GOLPH3: variants seen among roughly 807,000 people sequenced by gnomAD.
GOLPH3 encodes the protein coat protein GPP34.
GOLPH3 carries 14 observed loss-of-function variants against 28.5 expected under a neutral mutation model. That is an observed-to-expected ratio of 0.49 (90% confidence interval 0.32 to 0.77). The LOEUF (loss-of-function observed/expected upper bound fraction) is 0.77. GOLPH3 is among the 30% of genes least tolerant of loss of function. The pLI is 0.03. For synonymous variants in GOLPH3, 158 were observed against 159.2 expected, an observed-to-expected ratio of 0.99 and a Z score of 0.06; for missense variants, 350 against 393.7, an observed-to-expected ratio of 0.89 and a Z score of 0.94.
At chr5:32,132,047 T>C (rs1745835575) in intron 3 of GOLPH3, among the ~76,000 whole-genome samples, 1 of 152,168 alleles carries the variant, frequency 6.6e-6, no homozygotes, top group Non-Finnish European at 1.5e-5. Flanking sequence ...TCCCAGCTAC[T>C]TGGGAGGCTA....
chr5:32,155,974 A>C (rs1397169219), intron 1 of GOLPH3, among the ~76,000 whole-genome samples: 1 of 122,882 alleles, frequency 8.1e-6, no homozygotes, highest in African/African-American at 4.6e-5. Flanking sequence ...AAAAAAAAAA[A>C]AAAAAAAAAA....
At chr5:32,165,707 G>A (rs1047512286) in intron 1 of GOLPH3, among the ~76,000 whole-genome samples, 1 of 152,202 alleles carries the variant, frequency 6.6e-6, no homozygotes. Context: ...CAGTGAATTT[G>A]TACTTAGTAA....
At chr5:32,130,618 G>T (rs1349161525) in intron 3 of GOLPH3, among the ~76,000 whole-genome samples, 1 of 152,020 alleles carries the variant, frequency 6.6e-6, no homozygotes. Context: ...CCAAACAACA[G>T]AGGGGAAAAA....
intron 3 of GOLPH3, 22 bp downstream of exon 3, chr5:32,135,550 T>C (rs1364514042): frequency 6.9e-7 from 1 of 1,443,460 alleles, no homozygotes; most frequent in South Asian, 1.2e-5. Context: ...AGTTGGTTTT[T>C]GGTTTATTCA....
chr5:32,140,802 CAAAAAAAAA>C (rs553950121), intron 2 of GOLPH3, among the ~76,000 whole-genome samples: 4 of 73,680 alleles, frequency 5.4e-5, no homozygotes, highest in African/African-American at 1.9e-4. Context: ...ACTCTGTCTC[CAAAAAAAAA>C]AAAAAAAAGG....
intron 3 of GOLPH3, among the ~76,000 whole-genome samples, chr5:32,131,847 C>A (rs1238156168): frequency 6.6e-6 from 1 of 152,208 alleles, no homozygotes; most frequent in Non-Finnish European, 1.5e-5. Flanking sequence ...TCTTACAAAA[C>A]TAAAAGCAGC....
intron 2 of GOLPH3, among the ~76,000 whole-genome samples, chr5:32,136,342 G>C (rs182746446): frequency 1.3e-5 from 2 of 151,820 alleles, no homozygotes; most frequent in Admixed American, 6.6e-5. Context: ...TTAGCTGGGC[G>C]TGGTGGCAGG....
intron 1 of GOLPH3, among the ~76,000 whole-genome samples, chr5:32,144,177 C>G (rs1289016773): frequency 6.6e-6 from 1 of 152,192 alleles, no homozygotes; most frequent in Non-Finnish European, 1.5e-5. Context: ...TTTCAGAACC[C>G]TGCAAACTCC....
chr5:32,136,181 A>T (rs1005636587), intron 2 of GOLPH3, among the ~76,000 whole-genome samples: 1 of 151,924 alleles, frequency 6.6e-6, no homozygotes, highest in African/African-American at 2.4e-5. Context: ...TCAAAGAGAA[A>T]AGAAAAGCAA....
At chr5:32,130,399 A>T (rs1268551928) in intron 3 of GOLPH3, among the ~76,000 whole-genome samples, 1 of 152,216 alleles carries the variant, frequency 6.6e-6, no homozygotes, top group Non-Finnish European at 1.5e-5. Context: ...TTAATTAATT[A>T]TGTAAAGAAT....
intron 1 of GOLPH3, among the ~76,000 whole-genome samples, chr5:32,171,716 G>A (rs1045987058): frequency 6.6e-6 from 1 of 151,982 alleles, no homozygotes; most frequent in Non-Finnish European, 1.5e-5. Flanking sequence ...GGGAGGCCGA[G>A]GCAAGTGGAT....
rs190021395 is a variant in GOLPH3, at chr5:32,143,528, T to A, written c.357+221A>T. ...AATGAAGTCTAGAATCTTTCTGAAT[T>A]TGTAAGATCCAGTGGCCGGTTACCT... On this transcript the variant is annotated intron_variant, in intron 2 of 3. Coordinates refer to ENST00000265070, the MANE Select transcript of GOLPH3 (RefSeq NM_022130.4). 3.4e-3 allele frequency among the ~76,000 whole-genome samples: 521 copies of A among 152,220 alleles called. 4 individuals carry two copies. The highest frequency in any genetic ancestry group is 0.012 in the African/African-American group (508 of 41,546).
chr5:32,168,470 TAA>T (rs1746761761), intron 1 of GOLPH3, among the ~76,000 whole-genome samples: 1 of 152,218 alleles, frequency 6.6e-6, no homozygotes, highest in African/African-American at 2.4e-5. Context: ...GACATAGAGT[TAA>T]GTTACTGTAT....
At chr5:32,166,659 T>G (rs950109576) in intron 1 of GOLPH3, among the ~76,000 whole-genome samples, 1 of 151,948 alleles carries the variant, frequency 6.6e-6, no homozygotes, top group African/African-American at 2.4e-5. Flanking sequence ...AATACAAAAA[T>G]TAGCTGGGCA....
chr5:32,135,566 G>C lies in GOLPH3; in HGVS notation c.472+6C>G. 1 of 1,564,916 alleles carries C rather than the reference G, an allele frequency of 6.4e-7. No individual in the cohort carries two copies. ...GTTGGTTTTTGGTTTATTCACAGCA[G>C]CTTACCACTAAGTAATTCAATCCAG... is the stretch of plus-strand genomic sequence containing the variant. On this transcript the variant is annotated splice_donor_region_variant and intron_variant, in intron 3 of 3. Transcript: ENST00000265070.
intron 3 of GOLPH3, among the ~76,000 whole-genome samples, chr5:32,133,555 T>C (rs1177780791): frequency 1.3e-5 from 2 of 152,208 alleles, no homozygotes; most frequent in Non-Finnish European, 2.9e-5. Flanking sequence ...TACAAAATGA[T>C]CCATCACAGT....
intron 2 of GOLPH3, among the ~76,000 whole-genome samples, chr5:32,143,194 G>C (rs1259134908): frequency 6.6e-6 from 1 of 152,086 alleles, no homozygotes; most frequent in Non-Finnish European, 1.5e-5. Context: ...ATCCACTCAG[G>C]GTTGAATGGA....
chr5:32,168,928 T>C (rs1746772308), intron 1 of GOLPH3, among the ~76,000 whole-genome samples: 1 of 150,512 alleles, frequency 6.6e-6, no homozygotes, highest in Admixed American at 6.6e-5. Context: ...CACTGTACTC[T>C]AGCCTGGCGA....
chr5:32,144,883 C>T (rs903447450), intron 1 of GOLPH3, among the ~76,000 whole-genome samples: 6 of 152,214 alleles, frequency 3.9e-5, no homozygotes, highest in Admixed American at 6.5e-5. Context: ...ACAAATCTTG[C>T]CAGCAGGATT....
Sources: allele counts gnomAD v4.1 joint callset (sites outside exome capture counted in the v4.1 genomes callset), GRCh38; gene constraint gnomAD v4.1.1; transcripts MANE v1.5; gene names NCBI Gene and HGNC (gene_info 2026-07-23, HGNC 2026-07-21).